Variants in FBXO21 observed in about 807,000 individuals in gnomAD.
FBXO21 encodes F-box protein 21.
A neutral mutation model predicts 76.6 loss-of-function variants in FBXO21; 32 were observed. The ratio of observed to expected loss-of-function variants is 0.42; its 90% CI spans 0.32 to 0.56. The LOEUF is 0.56. Ranked by LOEUF, FBXO21 falls within the 20% of genes least tolerant of loss-of-function variation. The pLI, the probability that FBXO21 is intolerant of heterozygous loss-of-function variation, is 0.16. For missense variants in FBXO21, 586 were observed against 797.3 expected (o/e 0.73, Z 3.19); for synonymous variants, 328 against 311.5 (o/e 1.05, Z -0.56).
intron 6 of FBXO21, 105 bp from the exon 7 acceptor site, chr12:117,172,712 C>T: frequency 8.4e-7 from 1 of 1,196,894 alleles, no homozygotes; most frequent in Non-Finnish European, 1.2e-6. Flanking sequence ...GCATGATGCT[C>T]ATTTGTGAGG....
At chr12:117,172,711 T>C in intron 6 of FBXO21, 104 bp from the exon 7 acceptor site, 2 of 1,230,620 alleles carry the variant, frequency 1.6e-6, no homozygotes, top group Non-Finnish European at 2.3e-6. Flanking sequence ...GGCATGATGC[T>C]CATTTGTGAG....
intron 3 of FBXO21, among the ~76,000 whole-genome samples, chr12:117,178,498 TC>T (rs1956196133): frequency 6.6e-6 from 1 of 152,054 alleles, no homozygotes; most frequent in Non-Finnish European, 1.5e-5. Context: ...TCCAGCGGTT[TC>T]CCACCTCGCT....
intron 2 of FBXO21, 116 bp from the exon 3 acceptor site, chr12:117,186,687 T>G: frequency 3.1e-6 from 2 of 643,440 alleles, no homozygotes; most frequent in South Asian, 1.9e-5. Context: ...CTAACAGTTA[T>G]TCTACACTAC....
intron 1 of FBXO21, 74 bp downstream of exon 1, chr12:117,190,122 CGCGGGGCGGCCGCGGGGAGCTA>C (rs1466523249): frequency 1.5e-4 from 92 of 608,106 alleles, no homozygotes; most frequent in African/African-American, 1.4e-3. Context: ...GGGGTCCGCG[CGCGGGGCGGCCGCGGGGAGCTA>C]GCGGGGCGGC....
chr12:117,190,435 T>C lies in FBXO21; in HGVS notation c.22A>G (p.Ser8Gly), dbSNP rs923363801. MAAAAVD[S>G]AMEVVPALAE... Reference sequence around the variant, plus strand: ...AGCGCCGGCACCACCTCCATCGCGCTGTCGACTGCTGCCGCCGCCATCTTG... The same window carrying C: ...AGCGCCGGCACCACCTCCATCGCGCCGTCGACTGCTGCCGCCGCCATCTTG... Residue 8 changes from serine to glycine, a missense_variant, in exon 1 of 12, where the codon AGC becomes GGC. Transcript: ENST00000622495. The C allele has an allele frequency of 1.8e-5, 24 of 1,359,892 alleles. No individual in the cohort carries two copies. The highest frequency in any genetic ancestry group is 2.4e-5 in the Admixed American group (1 of 41,472). The allele number at this position is 1,359,892 out of a possible 1,614,324, so 84.2% of individuals were successfully genotyped here.
intron 3 of FBXO21, among the ~76,000 whole-genome samples, chr12:117,184,459 G>A (rs1207449709): frequency 6.6e-6 from 1 of 152,130 alleles, no homozygotes; most frequent in East Asian, 1.9e-4. Flanking sequence ...TCCATCTATA[G>A]GAAAATTATG....
chr12:117,187,420 CAAAAAAAAAAA>C (rs921514232), intron 2 of FBXO21, among the ~76,000 whole-genome samples: 6 of 59,706 alleles, frequency 1.0e-4, no homozygotes, highest in African/African-American at 3.0e-4. Context: ...AACTCTGTCT[CAAAAAAAAAAA>C]AAAAAAAAAA....
intron 3 of FBXO21, among the ~76,000 whole-genome samples, chr12:117,184,851 T>C (rs1956267603): frequency 6.6e-6 from 1 of 152,266 alleles, no homozygotes; most frequent in Non-Finnish European, 1.5e-5. Flanking sequence ...AGGATGGATT[T>C]CCATAAGGTA....
chr12:117,163,989 G>C (rs1460345519), intron 9 of FBXO21, among the ~76,000 whole-genome samples: 1 of 151,718 alleles, frequency 6.6e-6, no homozygotes, highest in Non-Finnish European at 1.5e-5. Context: ...TAAATAGGCA[G>C]GGTGTGGTGG....
rs542198346 is a variant in FBXO21, at chr12:117,174,091, C to T, written c.876+114G>A. On this transcript the variant is annotated intron_variant, in intron 6 of 11. Coordinates refer to ENST00000622495, the MANE Select transcript of FBXO21 (RefSeq NM_015002.3). ...GTTTGAGGTTGCGGTAAGCTATGAT[C>T]GCGCCACTGCATTCCAGCCTGAGCA... 5.7e-3 allele frequency: 4,891 copies of T among 854,066 alleles called. 32 individuals are homozygous for T. The highest frequency in any genetic ancestry group is 8.1e-3 in the Non-Finnish European group (4,332 of 531,554). The allele number at this position is 854,066 out of a possible 1,614,324, so 52.9% of individuals were successfully genotyped here.
intron 3 of FBXO21, among the ~76,000 whole-genome samples, chr12:117,183,555 G>A (rs917005678): frequency 2.6e-5 from 4 of 152,148 alleles, no homozygotes; most frequent in African/African-American, 4.8e-5. Context: ...CACTGCACCC[G>A]GCCTATTTAA....
rs888748751 is a variant in FBXO21 at position 117,165,569 on chromosome 12, G to T, written c.1242C>A (p.Leu414=). ...CCTGGTCCGGGTACATTGCCAGATA[G>T]AGATCCAGCGAGTCTCTCAGGAGCT... is the stretch of plus-strand genomic sequence containing the variant. ...SYQLLRDSLD[L]YLAMYPDQVQ... The change falls in exon 9 of 12, where the codon CTC becomes CTA. Residue 414 remains leucine (L), a synonymous_variant. Transcript: ENST00000622495. 18 of 1,613,852 alleles carry T rather than the reference G, an allele frequency of 1.1e-5. No homozygotes were observed. Among genetic ancestry groups the T allele is most frequent in the Non-Finnish European group, 1.4e-5 (17 of 1,179,808 alleles).
chr12:117,152,724 G>C (rs552331852), intron 11 of FBXO21, among the ~76,000 whole-genome samples: 1 of 152,236 alleles, frequency 6.6e-6, no homozygotes, highest in South Asian at 2.1e-4. Flanking sequence ...TTGTTACTAG[G>C]TGTGATAATG....
At chr12:117,168,905 G>T (rs1367364292) in intron 7 of FBXO21, among the ~76,000 whole-genome samples, 1 of 152,228 alleles carries the variant, frequency 6.6e-6, no homozygotes, top group Non-Finnish European at 1.5e-5. Context: ...CATTGTGGAA[G>T]AGAGTGTGGT....
rs1159404978 is a variant in FBXO21 at position 117,166,966 on chromosome 12, C to G, written c.1125G>C (p.Leu375=). ...CCTTCTTGACATTGACCACCCCATA[C>G]AGTGCTGCAGTCACGTGCTGGCCGA... ...YLIGQHVTAA[L]YGVVNVKKVL... The change falls in exon 8 of 12, where the codon CTG becomes CTC. Residue 375 remains leucine (L), a synonymous_variant. Transcript: ENST00000622495. 1.2e-6 allele frequency: 2 copies of G among 1,614,190 alleles called. No individual in the cohort carries two copies. Among genetic ancestry groups the G allele is most frequent in the South Asian group, 1.1e-5 (1 of 91,086 alleles).
At chr12:117,189,463 T>C (rs1956322562) in intron 1 of FBXO21, 101 bp from the exon 2 acceptor site, 6 of 1,292,136 alleles carry the variant, frequency 4.6e-6, no homozygotes, top group Admixed American at 1.8e-5. Flanking sequence ...TGGCGTCCAG[T>C]GGTAAGAGGG....
chr12:117,161,250 G>A (rs1336949445), intron 9 of FBXO21, among the ~76,000 whole-genome samples: 1 of 152,134 alleles, frequency 6.6e-6, no homozygotes, highest in Non-Finnish European at 1.5e-5. Context: ...AGGATGAGCA[G>A]AGGCCCTGGG....
intron 9 of FBXO21, among the ~76,000 whole-genome samples, chr12:117,161,905 G>A (rs905316334): frequency 2.6e-5 from 4 of 152,210 alleles, no homozygotes; most frequent in Non-Finnish European, 2.9e-5. Flanking sequence ...CAGTGACAGG[G>A]CAAGATACAG....
At chr12:117,174,931 G>C in intron 4 of FBXO21, 134 bp from the exon 5 acceptor site, 1 of 709,264 alleles carries the variant, frequency 1.4e-6, no homozygotes, top group Non-Finnish European at 2.2e-6. Flanking sequence ...TTTGGCCATG[G>C]ACCTTGCTGC....
Sources: allele counts gnomAD v4.1 joint callset (sites outside exome capture counted in the v4.1 genomes callset), GRCh38; gene constraint gnomAD v4.1.1; transcripts MANE v1.5; gene names NCBI Gene and HGNC (gene_info 2026-07-23, HGNC 2026-07-21).